Variants in KLF7 observed in about 807,000 individuals in gnomAD.
KLF7 encodes the protein KLF transcription factor 7.
KLF7 carries 2 observed loss-of-function variants against 27.3 expected under a neutral mutation model. The observed-to-expected ratio is 0.07, with a 90% CI of 0.03 to 0.23. The LOEUF is 0.23. Among genes scored for constraint, KLF7 ranks in the 10% least tolerant of loss-of-function variants. The pLI is 1.00. For synonymous variants in KLF7, 165 were observed against 162.4 expected (o/e 1.02, Z -0.12); for missense variants, 221 against 394.1 (o/e 0.56, Z 3.72).
intron 2 of KLF7, among the ~76,000 whole-genome samples, chr2:207,117,310 T>C (rs1461160692): frequency 6.6e-6 from 1 of 152,234 alleles, no homozygotes; most frequent in Non-Finnish European, 1.5e-5. Context: ...TTTTAAGATT[T>C]TACTGAATCA....
chr2:207,101,353 A>T (rs2076761053), intron 2 of KLF7, among the ~76,000 whole-genome samples: 1 of 152,238 alleles, frequency 6.6e-6, no homozygotes, highest in South Asian at 2.1e-4. Context: ...AATATGTTTG[A>T]TAGATGTGTG....
chr2:207,103,771 T>C (rs936804654), intron 2 of KLF7, among the ~76,000 whole-genome samples: 1 of 152,250 alleles, frequency 6.6e-6, no homozygotes, highest in Non-Finnish European at 1.5e-5. Context: ...TAATCCCTTC[T>C]TCAGCACAGC....
intron 1 of KLF7, among the ~76,000 whole-genome samples, chr2:207,135,850 G>A (rs1245377133): frequency 2.0e-5 from 3 of 152,136 alleles, no homozygotes; most frequent in East Asian, 3.9e-4. Context: ...TTACTGTCTG[G>A]GACAGATCCG....
upstream of KLF7, among the ~76,000 whole-genome samples, chr2:207,171,603 C>G (rs1265181963): frequency 2.0e-5 from 3 of 152,216 alleles, no homozygotes; most frequent in African/African-American, 7.2e-5. Context: ...CCACTCTGAT[C>G]AGTCAGCAGC....
chr2:207,110,225 A>G (rs555373237), intron 2 of KLF7, among the ~76,000 whole-genome samples: 13 of 152,386 alleles, frequency 8.5e-5, no homozygotes, highest in African/African-American at 3.1e-4. Flanking sequence ...CTAAGAACTC[A>G]GAAAGCTTCC....
chr2:207,105,757 T>A (rs1029841960), intron 2 of KLF7, among the ~76,000 whole-genome samples: 3 of 152,074 alleles, frequency 2.0e-5, no homozygotes, highest in African/African-American at 7.2e-5. Flanking sequence ...GGAGTATCAG[T>A]TTGTGTGCTC....
At chr2:207,168,802 A>G (rs1040459970), upstream of KLF7, among the ~76,000 whole-genome samples, 1 of 152,234 alleles carries the variant, frequency 6.6e-6, no homozygotes, top group Non-Finnish European at 1.5e-5. Flanking sequence ...ATATTTAGCT[A>G]CTTTTTATAC....
intron 2 of KLF7, among the ~76,000 whole-genome samples, chr2:207,108,868 TA>T (rs1461817987): frequency 1.3e-5 from 2 of 152,130 alleles, no homozygotes; most frequent in Non-Finnish European, 2.9e-5. Context: ...CAAACAAAAA[TA>T]AAGGCACATA....
chr2:207,168,316 A>C (rs1387694236), upstream of KLF7, among the ~76,000 whole-genome samples: 1 of 152,212 alleles, frequency 6.6e-6, no homozygotes, highest in East Asian at 1.9e-4. Flanking sequence ...AAGCACTTCG[A>C]ATGTGCCGTA....
upstream of KLF7, chr2:207,167,390 A>T (rs1248440360): frequency 2.2e-5 from 7 of 313,106 alleles, no homozygotes; most frequent in South Asian, 8.7e-4. Flanking sequence ...GGTGCTTAAG[A>T]GATGAGAAAC....
At chr2:207,139,904 A>G (rs775793647) in intron 1 of KLF7, among the ~76,000 whole-genome samples, 1 of 152,144 alleles carries the variant, frequency 6.6e-6, no homozygotes, top group African/African-American at 2.4e-5. Context: ...TTCTGAGACA[A>G]GAGTCTTTCT....
chr2:207,097,472 T>C (rs1406728314), intron 2 of KLF7, among the ~76,000 whole-genome samples: 1 of 152,196 alleles, frequency 6.6e-6, no homozygotes, highest in East Asian at 1.9e-4. Flanking sequence ...GAGAACTTTG[T>C]CACCTGTATG....
Position 207,080,815 on chromosome 2 carries a change from C to A in KLF7, c.*398G>T, listed in dbSNP as rs146173219. ...TGCACTGAGAAGCAAGTGAAATAAG[C>A]CCCTCGGACTGCCGTCCACCTGCAC... is the stretch of plus-strand genomic sequence containing the variant. On this transcript the variant is annotated 3_prime_UTR_variant, in exon 4 of 4. Coordinates refer to ENST00000309446, the MANE Select transcript of KLF7 (RefSeq NM_003709.4). The A allele has an allele frequency of 3.6e-4, 147 of 403,090 alleles. No individual in the cohort carries two copies. Among genetic ancestry groups the A allele is most frequent in the African/African-American group, 2.6e-3 (129 of 48,794 alleles). The allele number at this position is 403,090 out of a possible 1,614,324, so 25.0% of individuals were successfully genotyped here.
At chr2:207,084,037 T>C (rs971126523) in intron 3 of KLF7, among the ~76,000 whole-genome samples, 1 of 152,166 alleles carries the variant, frequency 6.6e-6, no homozygotes, top group Non-Finnish European at 1.5e-5. Context: ...CCTACAGAAC[T>C]GTAAGACCAT....
At chr2:207,147,834 C>T (rs1401237140) in intron 1 of KLF7, among the ~76,000 whole-genome samples, 1 of 152,180 alleles carries the variant, frequency 6.6e-6, no homozygotes, top group East Asian at 1.9e-4. Flanking sequence ...TCGGTGGCTT[C>T]GATGGGTTCT....
intron 2 of KLF7, among the ~76,000 whole-genome samples, chr2:207,099,884 C>T (rs923806062): frequency 1.3e-5 from 2 of 152,116 alleles, no homozygotes; most frequent in African/African-American, 4.8e-5. Flanking sequence ...AATCCCAGCA[C>T]TTTGGGAGGC....
chr2:207,165,285 G>A (rs887112261), intron 1 of KLF7, among the ~76,000 whole-genome samples, 182 bp downstream of exon 1: 1 of 152,126 alleles, frequency 6.6e-6, no homozygotes, highest in African/African-American at 2.4e-5. Flanking sequence ...CGAGGTTAGG[G>A]GTGGGTGGAG....
chr2:207,108,729 T>C (rs2076949290), intron 2 of KLF7, among the ~76,000 whole-genome samples: 1 of 152,250 alleles, frequency 6.6e-6, no homozygotes, highest in South Asian at 2.1e-4. Context: ...TCTTTGCCAA[T>C]GAATAGATTT....
intron 1 of KLF7, among the ~76,000 whole-genome samples, chr2:207,153,411 T>C (rs1031667719): frequency 2.0e-5 from 3 of 152,240 alleles, no homozygotes; most frequent in African/African-American, 4.8e-5. Context: ...TCAAAAACAA[T>C]AGTTAAATTT....
Sources: allele counts gnomAD v4.1 joint callset (sites outside exome capture counted in the v4.1 genomes callset), GRCh38; gene constraint gnomAD v4.1.1; transcripts MANE v1.5; gene names NCBI Gene and HGNC (gene_info 2026-07-23, HGNC 2026-07-21).